CLIP2: variants seen among roughly 807,000 people sequenced by gnomAD.
CLIP2 encodes CAP-Gly domain-containing linker protein 2.
CLIP2 carries 41 observed loss-of-function variants against 111.7 expected under a neutral mutation model. The observed-to-expected ratio is 0.37, with a 90% CI of 0.29 to 0.48. CLIP2 has a LOEUF of 0.48. Among genes scored for constraint, CLIP2 ranks in the 20% least tolerant of loss-of-function variants. The pLI, the probability that CLIP2 is intolerant of heterozygous loss-of-function variation, is 0.99. For missense variants in CLIP2, 1,160 were observed against 1,422.1 expected, an observed-to-expected ratio of 0.82 and a Z score of 2.96; for synonymous variants, 660 against 644.2, an observed-to-expected ratio of 1.02 and a Z score of -0.37.
intron 3 of CLIP2, among the ~76,000 whole-genome samples, chr7:74,353,342 C>T (rs1790063655): frequency 6.6e-6 from 1 of 151,838 alleles, no homozygotes; most frequent in African/African-American, 2.4e-5. Flanking sequence ...GCTCCACCTC[C>T]TGGGTTCATG....
At chr7:74,393,034 C>CTTTT (rs532112634) in intron 13 of CLIP2, among the ~76,000 whole-genome samples, 4 of 121,000 alleles carry the variant, frequency 3.3e-5, no homozygotes, top group African/African-American at 5.8e-5. Context: ...TAAGCATTTG[C>CTTTT]TTTTTTTTTT....
chr7:74,333,677 C>G (rs1457059889), intron 2 of CLIP2, among the ~76,000 whole-genome samples: 2 of 151,368 alleles, frequency 1.3e-5, no homozygotes, highest in Non-Finnish European at 2.9e-5. Flanking sequence ...GAGACAGGGT[C>G]TCACTGTGTT....
chr7:74,356,746 A>G (rs2116607253), intron 5 of CLIP2, 123 bp downstream of exon 5: 1 of 880,302 alleles, frequency 1.1e-6, no homozygotes, highest in East Asian at 2.7e-5. Context: ...ATTTTTGAAC[A>G]AAGAAGAAAG....
chr7:74,400,481 C>A lies in CLIP2; in HGVS notation c.2992C>A (p.Arg998=), dbSNP rs782170891. 1 of 1,613,792 alleles carries A rather than the reference C, an allele frequency of 6.2e-7. No homozygotes were observed. The highest frequency in any genetic ancestry group is 1.1e-5 in the South Asian group (1 of 91,034). Residue 998 remains arginine (R), a synonymous_variant, in exon 15 of 17, where the codon CGG becomes AGG. Coordinates refer to ENST00000223398, the MANE Select transcript of CLIP2 (RefSeq NM_003388.5). ...HQLMSTEDAL[R]DALDQAQQVE... ...GCTGATGAGCACGGAGGACGCCCTG[C>A]GGGATGCGCTGGACCAGGCTCAGCA...
intron 2 of CLIP2, among the ~76,000 whole-genome samples, chr7:74,321,176 G>GA (rs1788941190): frequency 6.6e-6 from 1 of 152,086 alleles, no homozygotes; most frequent in African/African-American, 2.4e-5. Context: ...CCTGCAGGTA[G>GA]AAAACTCATT....
At chr7:74,382,415 C>G (rs1790973265) in intron 11 of CLIP2, among the ~76,000 whole-genome samples, 1 of 151,552 alleles carries the variant, frequency 6.6e-6, no homozygotes, top group South Asian at 2.1e-4. Flanking sequence ...AGCAATTCTC[C>G]TGCCTCAGCC....
At position 74,374,327 on chromosome 7, in the gene CLIP2, A is replaced by C. The variant is rs1790718026; in HGVS notation, c.1485+1291A>C. Among the ~76,000 whole-genome samples the C allele has an allele frequency of 4.6e-5, 7 of 152,232 alleles. 1 individual carries two copies. In the South Asian group the frequency reaches 1.4e-3, roughly 31 times the overall value. On this transcript the variant is annotated intron_variant, in intron 9 of 16. Transcript: ENST00000223398. Reference sequence around the variant, plus strand: ...GCTTGTACGGTACACACTCATGTGCATGAAGACTGAACGCACAAACTGACC... The same window carrying C: ...GCTTGTACGGTACACACTCATGTGCCTGAAGACTGAACGCACAAACTGACC...
intron 10 of CLIP2, among the ~76,000 whole-genome samples, chr7:74,377,862 G>A (rs1432865491): frequency 1.4e-5 from 2 of 148,008 alleles, no homozygotes; most frequent in Non-Finnish European, 3.0e-5. Flanking sequence ...TTTTGCTCTT[G>A]TTGCCCAGGC....
chr7:74,348,633 C>G (rs1358611787), intron 3 of CLIP2, among the ~76,000 whole-genome samples: 1 of 151,452 alleles, frequency 6.6e-6, no homozygotes, highest in East Asian at 1.9e-4. Flanking sequence ...ACTAAAAATA[C>G]AAAAAAATTA....
At chr7:74,348,804 AAAAG>A (rs1312190990) in intron 3 of CLIP2, among the ~76,000 whole-genome samples, 2 of 151,220 alleles carry the variant, frequency 1.3e-5, no homozygotes, top group Non-Finnish European at 2.9e-5. Flanking sequence ...AAAAAAAAAA[AAAAG>A]AATGAGGGTA....
chr7:74,364,441 G>A (rs1273202716), intron 8 of CLIP2, 126 bp downstream of exon 8: 12 of 777,426 alleles, frequency 1.5e-5, no homozygotes, highest in Non-Finnish European at 2.5e-5. Context: ...GGGGGAAAAT[G>A]GGGAAGGATC....
intron 2 of CLIP2, among the ~76,000 whole-genome samples, chr7:74,337,680 C>A (rs1342936546): frequency 6.6e-6 from 1 of 151,930 alleles, no homozygotes; most frequent in Non-Finnish European, 1.5e-5. Flanking sequence ...ACTGCAATCT[C>A]CACCTCTCGA....
At chr7:74,375,821 T>C in intron 9 of CLIP2, 66 bp from the exon 10 acceptor site, 1 of 1,366,024 alleles carries the variant, frequency 7.3e-7, no homozygotes, top group Non-Finnish European at 9.7e-7. Flanking sequence ...CCCCCACCAT[T>C]GTGCCCTCCT....
chr7:74,352,232 C>T (rs1790024140), intron 3 of CLIP2, among the ~76,000 whole-genome samples: 1 of 151,890 alleles, frequency 6.6e-6, no homozygotes, highest in Non-Finnish European at 1.5e-5. Flanking sequence ...GTCAGGAGTT[C>T]GAGACCAGCC....
chr7:74,364,993 T>TTTTGTGTG (rs1491163760), intron 8 of CLIP2: 2 of 263,870 alleles, frequency 7.6e-6, no homozygotes, highest in Non-Finnish European at 1.5e-5. Flanking sequence ...CTGTTTTTTG[T>TTTTGTGTG]TGTGTGTGTG....
intron 1 of CLIP2, among the ~76,000 whole-genome samples, chr7:74,296,333 A>G (rs1488733872): frequency 6.6e-6 from 1 of 151,320 alleles, no homozygotes; most frequent in African/African-American, 2.4e-5. Context: ...ACATGGTGAA[A>G]CTCTTGTCTT....
chr7:74,384,683 C>A (rs140229177), intron 11 of CLIP2, among the ~76,000 whole-genome samples: 1 of 151,698 alleles, frequency 6.6e-6, no homozygotes, highest in Non-Finnish European at 1.5e-5. Flanking sequence ...TGGCCTCAAT[C>A]GATGCACCTG....
In CLIP2 at chr7:74,376,575, G is replaced by T. The variant is rs376286431; in HGVS notation, c.2174G>T (p.Arg725Leu). The change falls in exon 10 of 17, where the codon CGC (arginine) becomes CTC (leucine). Residue 725 changes from arginine to leucine, a missense_variant. Coordinates refer to ENST00000223398, the MANE Select transcript of CLIP2 (RefSeq NM_003388.5). This position sits in a 1 kb window ranked among gnomAD's most constrained non-coding sequence, Gnocchi z 7.1. ...RLELQEAQDQRRDAELRVHEL... is the reference protein window; with the variant it reads ...RLELQEAQDQLRDAELRVHEL... ...GAGCTGCAGGAGGCCCAGGACCAGCGCCGGGATGCCGAGCTGCGTGTGCAC... is the reference window on the plus strand; with the variant it reads ...GAGCTGCAGGAGGCCCAGGACCAGCTCCGGGATGCCGAGCTGCGTGTGCAC... The T allele has an allele frequency of 6.2e-7, 1 of 1,610,068 alleles. No homozygotes were observed. Among genetic ancestry groups the T allele is most frequent in the South Asian group, 1.1e-5 (1 of 90,590 alleles).
At chr7:74,346,735 A>C (rs10257053) in intron 3 of CLIP2, among the ~76,000 whole-genome samples, 9,824 of 67,502 alleles carry the variant, frequency 0.15, 761 homozygotes, top group East Asian at 0.56. Context: ...AAAAAAAAAA[A>C]AAAAAAACAA....
Sources: allele counts gnomAD v4.1 joint callset (sites outside exome capture counted in the v4.1 genomes callset), GRCh38; gene constraint gnomAD v4.1.1; non-coding constraint Gnocchi (gnomAD v3.1); transcripts MANE v1.5; gene names NCBI Gene and HGNC (gene_info 2026-07-23, HGNC 2026-07-21).